Variants in RBMS3 observed in about 807,000 individuals in gnomAD.
RBMS3 encodes the protein RNA-binding motif, single-stranded-interacting protein 3.
In RBMS3, 27 loss-of-function variants were observed where a neutral mutation model predicts 66.8. That is an observed-to-expected ratio of 0.40 (90% CI 0.30 to 0.56). The LOEUF (loss-of-function observed/expected upper bound fraction) is 0.56. RBMS3 is among the 20% of genes least tolerant of loss of function. RBMS3 has a pLI of 0.40. For missense variants in RBMS3, 513 were observed against 549.5 expected, an observed-to-expected ratio of 0.93 and a Z score of 0.66; for synonymous variants, 188 against 183.0, an observed-to-expected ratio of 1.03 and a Z score of -0.22.
intron 12 of RBMS3, among the ~76,000 whole-genome samples, chr3:29,966,721 G>C (rs1267233967): frequency 6.6e-6 from 1 of 152,122 alleles, no homozygotes; most frequent in East Asian, 1.9e-4. Context: ...AGGACTTCCA[G>C]TACTATGTTA....
At chr3:29,555,446 T>C (rs35886) in intron 3 of RBMS3, among the ~76,000 whole-genome samples, 82,256 of 151,918 alleles carry the variant, frequency 0.54, 22,989 homozygotes, top group Middle Eastern at 0.66. Context: ...AATCTGGAAA[T>C]CCAAACTTAA....
chr3:29,320,038 G>T (rs1211186735), intron 1 of RBMS3, among the ~76,000 whole-genome samples: 4 of 151,896 alleles, frequency 2.6e-5, no homozygotes, highest in African/African-American at 9.7e-5. Context: ...AAGCTCTCAG[G>T]GATTTAGTCT....
chr3:29,510,238 A>T (rs2044344571), intron 3 of RBMS3, among the ~76,000 whole-genome samples: 1 of 152,214 alleles, frequency 6.6e-6, no homozygotes, highest in African/African-American at 2.4e-5. Flanking sequence ...CTGATATCAT[A>T]GATCAACCCA....
At chr3:29,478,021 G>T (rs1301473714) in intron 2 of RBMS3, among the ~76,000 whole-genome samples, 2 of 152,090 alleles carry the variant, frequency 1.3e-5, no homozygotes, top group Non-Finnish European at 2.9e-5. Context: ...CACTGACCTT[G>T]GCCTCCCAAA....
chr3:29,859,869 C>A (rs578026683), intron 6 of RBMS3, among the ~76,000 whole-genome samples: 1 of 152,240 alleles, frequency 6.6e-6, no homozygotes, highest in East Asian at 1.9e-4. Context: ...CATACATACA[C>A]ACATATGCAT....
chr3:29,722,255 A>G (rs1024192032), intron 4 of RBMS3, among the ~76,000 whole-genome samples: 1 of 152,090 alleles, frequency 6.6e-6, no homozygotes, highest in Non-Finnish European at 1.5e-5. Context: ...AAAATACCAT[A>G]ATACTTTTCA....
intron 4 of RBMS3, among the ~76,000 whole-genome samples, chr3:29,731,608 G>T (rs1157755170): frequency 6.6e-6 from 1 of 152,082 alleles, no homozygotes; most frequent in Admixed American, 6.5e-5. Context: ...GTTTGCTTCT[G>T]GAGCGCCTGT....
chr3:29,660,445 A>G (rs1234544511), intron 4 of RBMS3, among the ~76,000 whole-genome samples: 1 of 152,168 alleles, frequency 6.6e-6, no homozygotes, highest in Non-Finnish European at 1.5e-5. Flanking sequence ...TCTCTTATAG[A>G]CAGCAGATAG....
intron 1 of RBMS3, among the ~76,000 whole-genome samples, chr3:29,293,761 T>C (rs2033016221): frequency 6.6e-6 from 1 of 151,582 alleles, no homozygotes; most frequent in African/African-American, 2.4e-5. Flanking sequence ...CCTTTCTTGC[T>C]CGCCCTTTCT....
At chr3:29,436,055 A>G (rs939597625) in intron 2 of RBMS3, among the ~76,000 whole-genome samples, 7 of 152,006 alleles carry the variant, frequency 4.6e-5, no homozygotes, top group African/African-American at 7.2e-5. Context: ...TAGAACATAT[A>G]TTTGTCATTT....
chr3:29,431,985 C>T (rs1263265883), intron 1 of RBMS3, among the ~76,000 whole-genome samples: 3 of 152,138 alleles, frequency 2.0e-5, no homozygotes, highest in Non-Finnish European at 4.4e-5. Context: ...ATCTCAGCCT[C>T]CCAAAGTGCT....
intron 3 of RBMS3, among the ~76,000 whole-genome samples, chr3:29,536,766 G>C (rs1329608890): frequency 6.6e-6 from 1 of 152,170 alleles, no homozygotes; most frequent in Non-Finnish European, 1.5e-5. Flanking sequence ...AATAGAAAGA[G>C]CAAGAAAATG....
chr3:29,990,649 T>C (rs1309387994), intron 13 of RBMS3, among the ~76,000 whole-genome samples: 1 of 152,102 alleles, frequency 6.6e-6, no homozygotes, highest in Non-Finnish European at 1.5e-5. Context: ...TTCCAAACTT[T>C]GATGTATATT....
At chr3:29,327,009 C>T (rs973030161) in intron 1 of RBMS3, among the ~76,000 whole-genome samples, 3 of 152,018 alleles carry the variant, frequency 2.0e-5, no homozygotes, top group Non-Finnish European at 4.4e-5. Context: ...GGATTACAGG[C>T]GTGAGCCACC....
chr3:29,962,146 G>T (rs1241558891), intron 12 of RBMS3, among the ~76,000 whole-genome samples: 1 of 145,712 alleles, frequency 6.9e-6, no homozygotes, highest in Non-Finnish European at 1.5e-5. Flanking sequence ...GACTTTTTTT[G>T]AAGACTGACA....
At chr3:29,359,635 T>C (rs1010054863) in intron 1 of RBMS3, among the ~76,000 whole-genome samples, 1 of 152,218 alleles carries the variant, frequency 6.6e-6, no homozygotes, top group Non-Finnish European at 1.5e-5. Flanking sequence ...CAGCTCCTTC[T>C]TGTACCTCTG....
chr3:29,541,749 C>T (rs1463093911), intron 3 of RBMS3, among the ~76,000 whole-genome samples: 1 of 152,200 alleles, frequency 6.6e-6, no homozygotes, highest in African/African-American at 2.4e-5. Context: ...CCATGGCTGG[C>T]AAGGTCTTAC....
In RBMS3 at chr3:29,623,041, G is replaced by A. The variant is rs142720281; in HGVS notation, c.399+35836G>A. Reference sequence around the variant, plus strand: ...CTGAGGAAGGAGAATGGCGTGAACTGGCAAGCTTGCAGTGAGCCGAGATCG... The same window carrying A: ...CTGAGGAAGGAGAATGGCGTGAACTAGCAAGCTTGCAGTGAGCCGAGATCG... On this transcript the variant is annotated intron_variant, in intron 4 of 14. Transcript: ENST00000383767. Among the ~76,000 whole-genome samples the A allele has an allele frequency of 6.0e-5, 9 of 149,450 alleles. No homozygotes were observed. In the East Asian group the frequency reaches 1.8e-3, roughly 30 times the overall value.
intron 1 of RBMS3, among the ~76,000 whole-genome samples, chr3:29,302,695 A>T (rs1333306824): frequency 1.3e-5 from 2 of 152,160 alleles, no homozygotes; most frequent in Middle Eastern, 3.4e-3. Flanking sequence ...ACAGATGTGT[A>T]TTGCCTTGGC....
Sources: allele counts gnomAD v4.1 joint callset (sites outside exome capture counted in the v4.1 genomes callset), GRCh38; gene constraint gnomAD v4.1.1; transcripts MANE v1.5; gene names NCBI Gene and HGNC (gene_info 2026-07-23, HGNC 2026-07-21).